Variants in GARIN6 observed in about 807,000 individuals in gnomAD.
GARIN6 encodes the protein Golgi-associated RAB2 interactor protein 6.
At chr12:99,648,907 G>A in the GARIN6 span, 1 of 1,381,782 alleles carries the variant, frequency 7.2e-7, no homozygotes, top group Admixed American at 2.8e-5. Flanking sequence ...TGGAAGGTCT[G>A]AAGGCCAAAT....
chr12:99,648,527 C>T, the GARIN6 span: 2 of 1,614,164 alleles, frequency 1.2e-6, no homozygotes, highest in South Asian at 1.1e-5. Flanking sequence ...TTAGAACTAA[C>T]CAGGCTGCTT....
At chr12:99,649,567 G>T in the GARIN6 span, 4 of 580,316 alleles carry the variant, frequency 6.9e-6, no homozygotes, top group Non-Finnish European at 1.2e-5. Context: ...AGACTCAGGA[G>T]AGAAACACAG....
chr12:99,649,591 A>G, the GARIN6 span: 1 of 546,348 alleles, frequency 1.8e-6, no homozygotes, highest in South Asian at 2.3e-5. Context: ...TGGCAAAAGC[A>G]GCCTTCAGAG....
the GARIN6 span, chr12:99,648,329 A>G: frequency 1.9e-5 from 30 of 1,614,070 alleles, no homozygotes; most frequent in Admixed American, 1.3e-4. Context: ...GACTTTATCC[A>G]GATCAGCAAA....
the GARIN6 span, chr12:99,648,081 C>G: frequency 6.6e-7 from 1 of 1,509,140 alleles, no homozygotes; most frequent in Non-Finnish European, 8.9e-7. Context: ...GCTGGCCCAC[C>G]TGCCAGAGTA....
the GARIN6 span, chr12:99,648,348 A>C: frequency 6.2e-7 from 1 of 1,614,214 alleles, no homozygotes; most frequent in Non-Finnish European, 8.5e-7. Flanking sequence ...AAAGAGGAGA[A>C]GTGATTGACG....
the GARIN6 span, chr12:99,649,404 A>G: frequency 3.8e-6 from 6 of 1,599,950 alleles, no homozygotes; most frequent in Non-Finnish European, 5.1e-6. Context: ...TATGAATCCA[A>G]CATACCTCCC....
the GARIN6 span, chr12:99,649,285 T>C: frequency 6.2e-7 from 1 of 1,611,684 alleles, no homozygotes; most frequent in Non-Finnish European, 8.5e-7. Context: ...GTTCTCTCCC[T>C]AGGGATATGC....
the GARIN6 span, chr12:99,648,520 GAACT>G: frequency 1.2e-5 from 19 of 1,613,972 alleles, no homozygotes; most frequent in African/African-American, 1.6e-4. Context: ...AGAGATCTTA[GAACT>G]AACCAGGCTG....
chr12:99,648,323 T>A, the GARIN6 span: 1 of 1,614,060 alleles, frequency 6.2e-7, no homozygotes. Flanking sequence ...GAGAGCGACT[T>A]TATCCAGATC....
the GARIN6 span, chr12:99,649,440 A>G: frequency 6.7e-7 from 1 of 1,497,794 alleles, no homozygotes. Context: ...AAGAGTTCAC[A>G]CACCCCTGCA....
chr12:99,648,198 G>A, the GARIN6 span: 73 of 1,614,076 alleles, frequency 4.5e-5, no homozygotes, highest in South Asian at 4.0e-4. Flanking sequence ...GTATGCTACC[G>A]TATTACACGG....
At chr12:99,648,833 G>C in the GARIN6 span, 7 of 1,567,834 alleles carry the variant, frequency 4.5e-6, no homozygotes, top group Non-Finnish European at 5.2e-6. Context: ...TGCTTTGGGG[G>C]AGAGCAGGTA....
chr12:99,648,645 T>A, the GARIN6 span: 5 of 1,614,226 alleles, frequency 3.1e-6, no homozygotes, highest in Non-Finnish European at 4.2e-6. Context: ...CTCCATCGGA[T>A]GCAAGTGAAG....
the GARIN6 span, chr12:99,647,899 C>T: frequency 7.0e-6 from 3 of 426,416 alleles, no homozygotes; most frequent in African/African-American, 5.8e-5. Flanking sequence ...TGTGCCCGGA[C>T]ATCCACGAGG....
the GARIN6 span, chr12:99,648,076 C>T: frequency 3.3e-6 from 5 of 1,497,212 alleles, no homozygotes; most frequent in Admixed American, 8.8e-5. Flanking sequence ...CGACTGCTGG[C>T]CCACCTGCCA....
At chr12:99,648,726 G>T in the GARIN6 span, 2 of 1,613,808 alleles carry the variant, frequency 1.2e-6, no homozygotes, top group African/African-American at 2.7e-5. Flanking sequence ...GTGATACCAG[G>T]GCTATCCTAG....
chr12:99,648,029 C>T, the GARIN6 span: 1 of 1,126,646 alleles, frequency 8.9e-7, no homozygotes, highest in Non-Finnish European at 1.2e-6. Context: ...TCCCTGTTCT[C>T]AGTCACTTGG....
chr12:99,649,622 A>G, the GARIN6 span: 4 of 495,080 alleles, frequency 8.1e-6, no homozygotes, highest in Non-Finnish European at 1.5e-5. Flanking sequence ...AAGTATAGCC[A>G]GCATGGCTAT....
Sources: gnomAD v4.1 joint callset for allele counts on GRCh38, gnomAD v4.1.1 for gene constraint, MANE v1.5 for transcripts, NCBI Gene and HGNC (gene_info 2026-07-23, HGNC 2026-07-21) for gene names.